The following KCNK9 variants were observed in gnomAD, a reference collection of about 807,000 sequenced individuals.
KCNK9 encodes the protein potassium two pore domain channel subfamily K member 9.
A neutral mutation model predicts 10.8 loss-of-function variants in KCNK9; 1 was observed. The observed-to-expected ratio is 0.09, with a 90% CI of 0.03 to 0.44. KCNK9 has a LOEUF of 0.44. KCNK9 is among the 20% of genes least tolerant of loss of function. The probability of loss-of-function intolerance (pLI) is 0.97; values close to 1 mark genes in which losing one functional copy is unlikely to be tolerated. For synonymous variants in KCNK9, 231 were observed against 222.7 expected, an observed-to-expected ratio of 1.04 and a Z score of -0.33; for missense variants, 303 against 515.0, an observed-to-expected ratio of 0.59 and a Z score of 3.98.
intron 1 of KCNK9, among the ~76,000 whole-genome samples, chr8:139,673,791 T>TA (rs896996941): frequency 7.2e-5 from 11 of 152,126 alleles, no homozygotes; most frequent in African/African-American, 2.7e-4. Context: ...TGCTCTTGGA[T>TA]ACCAGCCCCT....
At chr8:139,671,469 C>A (rs1816424085) in intron 1 of KCNK9, among the ~76,000 whole-genome samples, 1 of 152,008 alleles carries the variant, frequency 6.6e-6, no homozygotes, top group South Asian at 2.1e-4. Flanking sequence ...TGAGCCCGTG[C>A]CCAAGGCCAC....
chr8:139,612,858 T>C, downstream of KCNK9, among the ~76,000 whole-genome samples: 1 of 152,096 alleles, frequency 6.6e-6, no homozygotes. Flanking sequence ...TCACAGGGCA[T>C]TATTCTATAA....
chr8:139,620,640 A>C (rs1192243011), intron 1 of KCNK9, among the ~76,000 whole-genome samples: 1 of 151,820 alleles, frequency 6.6e-6, no homozygotes, highest in Non-Finnish European at 1.5e-5. Context: ...ACCTACCCCC[A>C]TGGGCCAAAC....
intron 1 of KCNK9, among the ~76,000 whole-genome samples, chr8:139,668,317 C>A (rs1816346983): frequency 6.6e-6 from 1 of 151,798 alleles, no homozygotes; most frequent in Non-Finnish European, 1.5e-5. Flanking sequence ...GGACATGTAC[C>A]CTTGAACTTA....
chr8:139,652,421 G>C (rs1815894133), intron 1 of KCNK9, among the ~76,000 whole-genome samples: 1 of 152,204 alleles, frequency 6.6e-6, no homozygotes, highest in South Asian at 2.1e-4. Flanking sequence ...CTCTGCTAAG[G>C]TGTCTAAGGA....
Sources: allele counts gnomAD v4.1 joint callset (sites outside exome capture counted in the v4.1 genomes callset), GRCh38; gene constraint gnomAD v4.1.1; transcripts MANE v1.5; gene names NCBI Gene and HGNC (gene_info 2026-07-23, HGNC 2026-07-21).